UNC13B: variants seen among roughly 807,000 people sequenced by gnomAD.
The protein encoded by UNC13B is unc-13 homolog B, also known as protein unc-13 homolog B.
Under a neutral mutation model 211.0 loss-of-function variants are expected in UNC13B, and 144 were observed. The observed-to-expected ratio is 0.68, with a 90% CI of 0.60 to 0.78. UNC13B has a LOEUF of 0.78. UNC13B is among the 30% of genes least tolerant of loss of function. The pLI is 0.00. For synonymous variants in UNC13B, 709 were observed against 725.8 expected (o/e 0.98, Z 0.37); for missense variants, 1,777 against 2,002.0 (o/e 0.89, Z 2.14).
intron 11 of UNC13B, among the ~76,000 whole-genome samples, chr9:35,317,876 C>A (rs1448531705): frequency 6.6e-6 from 1 of 151,910 alleles, no homozygotes; most frequent in Non-Finnish European, 1.5e-5. Flanking sequence ...GAATGAATGT[C>A]ATAATACTTA....
intron 16 of UNC13B, 118 bp from the exon 17 acceptor site, chr9:35,378,177 A>G: frequency 7.4e-7 from 1 of 1,357,710 alleles, no homozygotes; most frequent in Non-Finnish European, 9.9e-7. Flanking sequence ...ATATGGAGGA[A>G]TGGGATTACG....
chr9:35,287,418 C>T (rs1232639837), intron 7 of UNC13B, among the ~76,000 whole-genome samples: 1 of 152,308 alleles, frequency 6.6e-6, no homozygotes, highest in East Asian at 1.9e-4. Context: ...AGGCAAGAGC[C>T]ACCATGCCCG....
At chr9:35,162,730 G>T (rs1820846611) in intron 1 of UNC13B, among the ~76,000 whole-genome samples, 1 of 152,132 alleles carries the variant, frequency 6.6e-6, no homozygotes. Context: ...GAATGCGTTA[G>T]TGGTACAGCT....
chr9:35,169,132 C>G lies in UNC13B; in HGVS notation c.22+6827C>G, dbSNP rs7357651. Among the ~76,000 whole-genome samples the G allele has an allele frequency of 5.3e-3, 807 of 152,312 alleles. 8 individuals are homozygous for G. The highest frequency in any genetic ancestry group is 0.017 in the African/African-American group (717 of 41,572). On this transcript the variant is annotated intron_variant, in intron 1 of 39. Coordinates refer to ENST00000635942, the MANE Select transcript of UNC13B (RefSeq NM_001371189.2). ...TTGGGAGGCTGAGGCAAGAGAATCA[C>G]TTGCATCCAGGAGTTTGAGACCAGC...
chr9:35,200,475 A>T (rs575446968), intron 1 of UNC13B, among the ~76,000 whole-genome samples: 1 of 152,298 alleles, frequency 6.6e-6, no homozygotes, highest in Admixed American at 6.5e-5. Context: ...TGAGCATGGA[A>T]TGTTCTTCCA....
intron 11 of UNC13B, among the ~76,000 whole-genome samples, chr9:35,342,949 T>C (rs549385517): frequency 1.3e-5 from 2 of 152,342 alleles, no homozygotes; most frequent in South Asian, 4.1e-4. Context: ...ACCACCATCC[T>C]AATGTATTAA....
chr9:35,206,204 AATT>A (rs1471797605), intron 1 of UNC13B, among the ~76,000 whole-genome samples: 4 of 152,148 alleles, frequency 2.6e-5, no homozygotes, highest in African/African-American at 9.7e-5. Context: ...CAAAAATAAA[AATT>A]AAAAAAAATT....
intron 26 of UNC13B, 49 bp from the exon 27 acceptor site, chr9:35,396,427 C>G (rs746115532): frequency 6.2e-7 from 1 of 1,610,832 alleles, no homozygotes; most frequent in South Asian, 1.1e-5. Context: ...GCTCAGGAAC[C>G]ATGGCCTCTA....
chr9:35,185,842 CTAG>C lies in UNC13B; in HGVS notation c.22+23538_22+23540del, dbSNP rs1822329159. 6.6e-5 allele frequency among the ~76,000 whole-genome samples: 10 copies of C among 151,022 alleles called. No homozygotes were observed. The South Asian group carries it at 1.9e-3, about 29-fold the overall frequency. ...CTGAGGAGGGAGGATTTCTTGAGCT[CTAG>C]ATGTAGAGACTGCAGTGAGCCGAGA... On this transcript the variant is annotated intron_variant, in intron 1 of 39. Coordinates refer to ENST00000635942, the MANE Select transcript of UNC13B (RefSeq NM_001371189.2).
At chr9:35,217,831 C>T in intron 1 of UNC13B, among the ~76,000 whole-genome samples, 1 of 152,136 alleles carries the variant, frequency 6.6e-6, no homozygotes, top group East Asian at 1.9e-4. Flanking sequence ...ACCACTTGAG[C>T]TTGAAAGTTT....
chr9:35,324,975 A>G (rs1338302157), intron 11 of UNC13B, among the ~76,000 whole-genome samples: 1 of 151,890 alleles, frequency 6.6e-6, no homozygotes, highest in Non-Finnish European at 1.5e-5. Flanking sequence ...CCTCTCTAAA[A>G]CCTGTTTTAC....
At chr9:35,331,599 T>C (rs1831372606) in intron 11 of UNC13B, among the ~76,000 whole-genome samples, 1 of 152,196 alleles carries the variant, frequency 6.6e-6, no homozygotes. Context: ...TGGGTACTGT[T>C]GGGACTATTT....
chr9:35,271,180 ATTGCC>A (rs1044833546), intron 7 of UNC13B, among the ~76,000 whole-genome samples: 1 of 151,650 alleles, frequency 6.6e-6, no homozygotes, highest in Non-Finnish European at 1.5e-5. Flanking sequence ...CCCCCATTAA[ATTGCC>A]TCTGCATCTT....
chr9:35,342,889 A>G (rs1297550139), intron 11 of UNC13B, among the ~76,000 whole-genome samples: 1 of 152,144 alleles, frequency 6.6e-6, no homozygotes, highest in Non-Finnish European at 1.5e-5. Flanking sequence ...CTGTATGTGT[A>G]TATGTGAGAG....
intron 11 of UNC13B, chr9:35,352,661 A>G (rs1419803502): frequency 1.6e-6 from 2 of 1,232,000 alleles, no homozygotes; most frequent in Non-Finnish European, 2.0e-6. Flanking sequence ...CTTTCTACTC[A>G]AGAACAATTT....
intron 7 of UNC13B, among the ~76,000 whole-genome samples, chr9:35,281,285 A>T (rs556671468): frequency 9.3e-5 from 14 of 151,110 alleles, no homozygotes; most frequent in Non-Finnish European, 1.8e-4. Context: ...GCATGGTGGC[A>T]CTTTCCTGTA....
At chr9:35,345,335 AG>A (rs774794916) in intron 11 of UNC13B, among the ~76,000 whole-genome samples, 1 of 152,204 alleles carries the variant, frequency 6.6e-6, no homozygotes, top group Non-Finnish European at 1.5e-5. Flanking sequence ...GCCAAGGAGC[AG>A]GGTGGGGTAT....
chr9:35,364,670 C>T, intron 11 of UNC13B: 11 of 1,277,106 alleles, frequency 8.6e-6, no homozygotes, highest in Admixed American at 2.2e-5. Flanking sequence ...TGTGTACATG[C>T]ACATGTGCGT....
chr9:35,300,084 A>G (rs1302540780), intron 8 of UNC13B, 82 bp from the exon 9 acceptor site: 2 of 397,782 alleles, frequency 5.0e-6, no homozygotes, highest in Non-Finnish European at 8.9e-6. Flanking sequence ...CCAAAGTATA[A>G]GAACAGGAAA....
Sources: allele counts gnomAD v4.1 joint callset (sites outside exome capture counted in the v4.1 genomes callset), GRCh38; gene constraint gnomAD v4.1.1; transcripts MANE v1.5; gene names NCBI Gene and HGNC (gene_info 2026-07-23, HGNC 2026-07-21).